The following MTREX variants were observed in gnomAD, a reference collection of about 807,000 sequenced individuals.
The protein encoded by MTREX is exosome RNA helicase MTR4.
In MTREX, 76 loss-of-function variants were observed where a neutral mutation model predicts 135.4. The observed-to-expected ratio is 0.56, with a 90% CI of 0.47 to 0.68. The LOEUF is 0.68. Ranked by LOEUF, MTREX falls within the 30% of genes least tolerant of loss-of-function variation. The pLI, the probability that MTREX is intolerant of heterozygous loss-of-function variation, is 0.00. For synonymous variants in MTREX, 404 were observed against 401.6 expected, an observed-to-expected ratio of 1.01 and a Z score of -0.07; for missense variants, 920 against 1,262.1, an observed-to-expected ratio of 0.73 and a Z score of 4.11.
chr5:55,363,966 A>G (rs1750055845), intron 15 of MTREX, among the ~76,000 whole-genome samples: 1 of 152,204 alleles, frequency 6.6e-6, no homozygotes, highest in Non-Finnish European at 1.5e-5. Context: ...AGGAAGCAAT[A>G]TATGGCCCAG....
chr5:55,407,649 G>A (rs1287679366), intron 22 of MTREX, among the ~76,000 whole-genome samples: 1 of 152,120 alleles, frequency 6.6e-6, no homozygotes, highest in African/African-American at 2.4e-5. Context: ...ACTGGCTAAT[G>A]TGTATCCCTC....
chr5:55,311,836 A>G (rs1260566268), intron 1 of MTREX, among the ~76,000 whole-genome samples: 1 of 152,214 alleles, frequency 6.6e-6, no homozygotes, highest in African/African-American at 2.4e-5. Flanking sequence ...ATTAAAATTT[A>G]TTTCAACAGT....
At chr5:55,383,664 A>G (rs1242685667) in intron 18 of MTREX, among the ~76,000 whole-genome samples, 3 of 152,174 alleles carry the variant, frequency 2.0e-5, no homozygotes, top group African/African-American at 4.8e-5. Context: ...AAAGTGACCA[A>G]ACTTCTTTGC....
intron 1 of MTREX, among the ~76,000 whole-genome samples, chr5:55,317,230 A>G (rs1360849009): frequency 6.6e-6 from 1 of 152,252 alleles, no homozygotes; most frequent in Non-Finnish European, 1.5e-5. Flanking sequence ...CAATGTACAG[A>G]TTCAATGCTA....
intron 1 of MTREX, among the ~76,000 whole-genome samples, chr5:55,320,015 C>G (rs1202999717): frequency 6.6e-6 from 1 of 152,080 alleles, no homozygotes; most frequent in Non-Finnish European, 1.5e-5. Flanking sequence ...TACTGAGGCC[C>G]AAGGATATTG....
intron 1 of MTREX, among the ~76,000 whole-genome samples, chr5:55,314,279 C>T (rs1322739144): frequency 6.6e-6 from 1 of 152,150 alleles, no homozygotes; most frequent in African/African-American, 2.4e-5. Context: ...TGACAGTCCC[C>T]CAGTGATGTT....
chr5:55,384,492 C>G (rs974843513), intron 18 of MTREX, among the ~76,000 whole-genome samples: 6 of 152,150 alleles, frequency 3.9e-5, no homozygotes, highest in Admixed American at 6.5e-5. Flanking sequence ...GTCTCTTTAG[C>G]CTAACATCTG....
At chr5:55,396,956 A>T (rs1322488473) in intron 19 of MTREX, among the ~76,000 whole-genome samples, 1 of 152,218 alleles carries the variant, frequency 6.6e-6, no homozygotes, top group Admixed American at 6.5e-5. Flanking sequence ...CTTCAAGATT[A>T]TGTCTAATGG....
At chr5:55,408,235 C>A (rs1167297797) in intron 22 of MTREX, among the ~76,000 whole-genome samples, 1 of 152,152 alleles carries the variant, frequency 6.6e-6, no homozygotes, top group African/African-American at 2.4e-5. Context: ...CCATATCCTG[C>A]GATTCTTGCA....
chr5:55,361,869 G>A (rs191827280), intron 15 of MTREX, among the ~76,000 whole-genome samples: 6 of 151,768 alleles, frequency 4.0e-5, no homozygotes, highest in Non-Finnish European at 5.9e-5. Flanking sequence ...CTAGGATTAC[G>A]GGCGTGAGCC....
chr5:55,369,915 C>CTTTTTTTTTTTT (rs60011222), intron 16 of MTREX, among the ~76,000 whole-genome samples: 8 of 141,414 alleles, frequency 5.7e-5, no homozygotes, highest in Non-Finnish European at 7.7e-5. Context: ...TTTCTTTTTT[C>CTTTTTTTTTTTT]TTTTTTTTTT....
chr5:55,328,830 A>C lies in MTREX; in HGVS notation c.515+19A>C, dbSNP rs1455436272. 6.8e-7 allele frequency: 1 copy of C among 1,469,094 alleles called. No individual in the cohort carries two copies. 91.0% of individuals were successfully genotyped at this position (1,469,094 alleles called of 1,614,324 possible). A position where few individuals can be genotyped will look rare whatever the true frequency, so the allele number is the denominator to read the frequency against. ...GCGCCGAGTGAGTAGCTTCCTTTTT[A>C]AAGTCACTTTGTTTCTTATTTCACT... On this transcript the variant is annotated intron_variant, in intron 5 of 26. Coordinates refer to ENST00000230640, the MANE Select transcript of MTREX (RefSeq NM_015360.5).
Position 55,397,400 on chromosome 5 carries a change from A to G in MTREX, c.2182-16A>G. The G allele has an allele frequency of 6.5e-7, 1 of 1,546,538 alleles. No individual in the cohort carries two copies. The highest frequency in any genetic ancestry group is 8.9e-7 in the Non-Finnish European group (1 of 1,123,578). On this transcript the variant is annotated splice_polypyrimidine_tract_variant and intron_variant, in intron 19 of 26. Coordinates refer to ENST00000230640, the MANE Select transcript of MTREX (RefSeq NM_015360.5). ...TGCAAATTTAACTGTAATACTGTAT[A>G]ACTTTTTGGTCATAGGTTGTCCCAG...
chr5:55,320,822 C>T (rs1037744839), intron 1 of MTREX, among the ~76,000 whole-genome samples: 1 of 152,132 alleles, frequency 6.6e-6, no homozygotes, highest in Admixed American at 6.5e-5. Context: ...GTTACGGGAT[C>T]AGAGGGGCAA....
At chr5:55,361,903 T>TG (rs1272217544) in intron 15 of MTREX, among the ~76,000 whole-genome samples, 4 of 147,774 alleles carry the variant, frequency 2.7e-5, no homozygotes, top group African/African-American at 1.0e-4. Context: ...TTGTTGTTGT[T>TG]GTTTGTTTGT....
At chr5:55,418,446 G>A (rs1190299350) in intron 25 of MTREX, among the ~76,000 whole-genome samples, 1 of 146,386 alleles carries the variant, frequency 6.8e-6, no homozygotes, top group African/African-American at 2.6e-5. Context: ...CATACTAGAT[G>A]CCACCTATGA....
chr5:55,322,729 G>A (rs973237937), intron 2 of MTREX, among the ~76,000 whole-genome samples: 5 of 152,084 alleles, frequency 3.3e-5, no homozygotes, highest in Admixed American at 6.6e-5. Flanking sequence ...AAAAAAATAC[G>A]TTTTCTTTAT....
rs528105213 is a variant in MTREX, at chr5:55,367,767, C to T, written c.1810+892C>T. Among the ~76,000 whole-genome samples, 3 of 152,154 alleles carry T rather than the reference C, an allele frequency of 2.0e-5. No individual in the cohort carries two copies. The South Asian group carries it at 6.2e-4, about 32-fold the overall frequency. Reference sequence around the variant, plus strand: ...GATGGTCATAAGAGCTGATTAAAAGCTAAAATGGAGGCAACGATTTAAAGT... The same window carrying T: ...GATGGTCATAAGAGCTGATTAAAAGTTAAAATGGAGGCAACGATTTAAAGT... On this transcript the variant is annotated intron_variant, in intron 16 of 26. Transcript: ENST00000230640.
intron 3 of MTREX, among the ~76,000 whole-genome samples, chr5:55,325,719 A>C (rs1472373252): frequency 6.6e-6 from 1 of 152,060 alleles, no homozygotes; most frequent in Non-Finnish European, 1.5e-5. Flanking sequence ...CCCGTCACCC[A>C]AATAGTGAAC....
Sources: allele counts gnomAD v4.1 joint callset (sites outside exome capture counted in the v4.1 genomes callset), GRCh38; gene constraint gnomAD v4.1.1; transcripts MANE v1.5; gene names NCBI Gene and HGNC (gene_info 2026-07-23, HGNC 2026-07-21).